Variants in OR51B5 observed in about 807,000 individuals in gnomAD.
OR51B5 encodes olfactory receptor 51B5.
For missense variants in OR51B5, 456 were observed against 374.6 expected (o/e 1.22, Z -1.79); for synonymous variants, 186 against 144.8 (o/e 1.28, Z -2.04).
chr11:5,466,724 T>C (rs1019363808), intron 1 of OR51B5, among the ~76,000 whole-genome samples: 4 of 152,208 alleles, frequency 2.6e-5, no homozygotes, highest in African/African-American at 9.7e-5. Context: ...AATGGCAGAG[T>C]AGCTTTTATA....
intron 1 of OR51B5, among the ~76,000 whole-genome samples, chr11:5,358,168 ACAAAAAAACCCTT>A (rs1186005944): frequency 1.3e-5 from 2 of 152,272 alleles, no homozygotes; most frequent in Non-Finnish European, 2.9e-5. Flanking sequence ...AAATAGAGAC[ACAAAAAAACCCTT>A]CAAAAAATCA....
At chr11:5,370,439 G>C (rs1170340768) in intron 1 of OR51B5, among the ~76,000 whole-genome samples, 1 of 152,102 alleles carries the variant, frequency 6.6e-6, no homozygotes. Context: ...ATCTTCAGAG[G>C]ATCATTTGTT....
intron 1 of OR51B5, among the ~76,000 whole-genome samples, chr11:5,374,809 G>T (rs28819138): frequency 0.11 from 16,742 of 151,994 alleles, 1,044 homozygotes; most frequent in South Asian, 0.15. Context: ...AATGAACAAA[G>T]CCTCCAAGAA....
intron 1 of OR51B5, among the ~76,000 whole-genome samples, chr11:5,452,289 G>A (rs145710101): frequency 0.012 from 1,804 of 152,086 alleles, 40 homozygotes; most frequent in African/African-American, 0.041. Context: ...CGGATCACGA[G>A]GTCAGGAGAT....
chr11:5,422,334 C>A (rs1380156357), intron 1 of OR51B5: 1 of 1,614,142 alleles, frequency 6.2e-7, no homozygotes, highest in Admixed American at 1.7e-5. Context: ...ATGGGCAATA[C>A]CACCATCCTC....
chr11:5,460,883 C>G (rs1169637177), intron 1 of OR51B5, among the ~76,000 whole-genome samples: 2 of 152,304 alleles, frequency 1.3e-5, no homozygotes, highest in East Asian at 3.9e-4. Flanking sequence ...ATGCTGTAAC[C>G]CTGGGGGTCT....
intron 1 of OR51B5, among the ~76,000 whole-genome samples, chr11:5,412,770 G>C (rs1188893589): frequency 1.3e-5 from 2 of 152,020 alleles, no homozygotes; most frequent in African/African-American, 4.8e-5. Context: ...GGCTTGCTTA[G>C]GTAAACAAAG....
intron 1 of OR51B5, among the ~76,000 whole-genome samples, chr11:5,413,720 A>T (rs369227243): frequency 9.2e-5 from 14 of 152,190 alleles, no homozygotes; most frequent in Non-Finnish European, 1.9e-4. Flanking sequence ...AAGCAAGAAG[A>T]GAAGTTTAGA....
intron 1 of OR51B5, among the ~76,000 whole-genome samples, chr11:5,370,696 T>C (rs1283246216): frequency 1.3e-5 from 2 of 152,230 alleles, no homozygotes; most frequent in African/African-American, 2.4e-5. Context: ...CATTGGTGCA[T>C]ATATTCTCTG....
exon 1 of OR51B5, chr11:5,342,841 G>A: frequency 6.2e-7 from 1 of 1,613,110 alleles, no homozygotes; most frequent in Non-Finnish European, 8.5e-7. Context: ...TCTCCTCTCT[G>A]GAGGCAATGC....
At chr11:5,395,597 C>G (rs1331292486) in intron 1 of OR51B5, among the ~76,000 whole-genome samples, 1 of 152,148 alleles carries the variant, frequency 6.6e-6, no homozygotes, top group African/African-American at 2.4e-5. Flanking sequence ...GAAACATAAT[C>G]TCAGCAATTG....
chr11:5,389,765 G>A lies in OR51B5; in HGVS notation n.85-42855C>T. ...CTGCATCCACTCTTTTTCCTTCATG[G>A]AGTCCTCAGTGCTCCTCATGATGTC... On this transcript the variant is annotated intron_variant and non_coding_transcript_variant, in intron 1 of 4. Transcript: ENST00000415970. The A allele has an allele frequency of 2.5e-6, 4 of 1,613,924 alleles. No individual in the cohort carries two copies. The South Asian group carries it at 4.4e-5, about 18-fold the overall frequency.
chr11:5,461,379 C>T (rs1851050167), intron 1 of OR51B5, among the ~76,000 whole-genome samples: 1 of 152,214 alleles, frequency 6.6e-6, no homozygotes, highest in African/African-American at 2.4e-5. Flanking sequence ...GCAGCAGCCA[C>T]TGGCAAGCAT....
intron 1 of OR51B5, among the ~76,000 whole-genome samples, chr11:5,450,516 G>A (rs7948471): frequency 0.47 from 71,453 of 151,970 alleles, 17,062 homozygotes; most frequent in Non-Finnish European, 0.5. Flanking sequence ...TGACACCCTC[G>A]GGGTCCTTTC....
chr11:5,475,135 A>C (rs957036039), intron 1 of OR51B5, among the ~76,000 whole-genome samples: 1 of 152,166 alleles, frequency 6.6e-6, no homozygotes, highest in South Asian at 2.1e-4. Context: ...CCCAAATATC[A>C]ACATTTCAAT....
At chr11:5,422,810 C>G in intron 1 of OR51B5, 1 of 1,614,144 alleles carries the variant, frequency 6.2e-7, no homozygotes, top group Non-Finnish European at 8.5e-7. Context: ...TGGATTTGCT[C>G]TTGCCTTGCT....
chr11:5,472,864 C>A (rs923537739), intron 1 of OR51B5, among the ~76,000 whole-genome samples: 2 of 152,178 alleles, frequency 1.3e-5, no homozygotes, highest in African/African-American at 4.8e-5. Flanking sequence ...AGTCAAAGGG[C>A]ACAACGGAGA....
intron 1 of OR51B5, among the ~76,000 whole-genome samples, chr11:5,441,689 T>C (rs1483689250): frequency 6.6e-6 from 1 of 152,166 alleles, no homozygotes; most frequent in Non-Finnish European, 1.5e-5. Context: ...TTCTAATCGT[T>C]TGTGTACCAC....
chr11:5,356,596 T>C (rs1273143343), intron 1 of OR51B5, among the ~76,000 whole-genome samples: 9 of 140,286 alleles, frequency 6.4e-5, no homozygotes, highest in African/African-American at 2.4e-4. Context: ...GCAAGGCAGG[T>C]CAACATTCAA....
Sources: allele counts gnomAD v4.1 joint callset (sites outside exome capture counted in the v4.1 genomes callset), GRCh38; gene constraint gnomAD v4.1.1; transcripts MANE v1.5; gene names NCBI Gene and HGNC (gene_info 2026-07-23, HGNC 2026-07-21).